KCNT2: variants seen among roughly 807,000 people sequenced by gnomAD.
KCNT2 encodes the protein potassium channel subfamily T member 2.
Under a neutral mutation model 153.8 loss-of-function variants are expected in KCNT2, and 67 were observed. The ratio of observed to expected loss-of-function variants is 0.44; its 90% CI spans 0.36 to 0.53. The LOEUF (loss-of-function observed/expected upper bound fraction) is 0.53, where lower values mean the gene tolerates loss of function less well. Ranked by LOEUF, KCNT2 falls within the 20% of genes least tolerant of loss-of-function variation. The pLI is 0.00. For missense variants in KCNT2, 975 were observed against 1,354.8 expected, an observed-to-expected ratio of 0.72 and a Z score of 4.40; for synonymous variants, 500 against 458.8, an observed-to-expected ratio of 1.09 and a Z score of -1.15.
chr1:196,331,128 A>G, intron 18 of KCNT2, 28 bp downstream of exon 18: 1 of 1,184,352 alleles, frequency 8.4e-7, no homozygotes, highest in Non-Finnish European at 1.3e-6. Flanking sequence ...TTTATTTTGT[A>G]AACAAAAAAG....
chr1:196,504,382 A>G (rs1002486165), intron 1 of KCNT2, among the ~76,000 whole-genome samples: 48 of 151,798 alleles, frequency 3.2e-4, no homozygotes, highest in Non-Finnish European at 4.3e-4. Context: ...ATGATTTCCA[A>G]TTTCATCCAT....
intron 1 of KCNT2, among the ~76,000 whole-genome samples, chr1:196,574,536 C>T (rs1031365699): frequency 2.0e-5 from 3 of 151,704 alleles, no homozygotes; most frequent in African/African-American, 7.3e-5. Context: ...CACTTTACAA[C>T]AAAATTCCTG....
intron 1 of KCNT2, among the ~76,000 whole-genome samples, chr1:196,602,298 T>C (rs1664810971): frequency 6.6e-6 from 1 of 152,214 alleles, no homozygotes; most frequent in African/African-American, 2.4e-5. Flanking sequence ...CTTTATTTTC[T>C]AAAGACAACT....
chr1:196,498,422 T>G (rs1397149944), intron 1 of KCNT2, among the ~76,000 whole-genome samples: 1 of 152,158 alleles, frequency 6.6e-6, no homozygotes, highest in African/African-American at 2.4e-5. Context: ...TACCAAGTGC[T>G]TTTTCCCTCC....
intron 18 of KCNT2, among the ~76,000 whole-genome samples, chr1:196,330,846 C>G (rs1452442900): frequency 6.6e-6 from 1 of 151,796 alleles, no homozygotes; most frequent in African/African-American, 2.4e-5. Flanking sequence ...ACATTTGACC[C>G]AAGTGATTTT....
intron 12 of KCNT2, among the ~76,000 whole-genome samples, chr1:196,399,106 T>C (rs1386256097): frequency 6.7e-6 from 1 of 149,646 alleles, no homozygotes; most frequent in African/African-American, 2.4e-5. Flanking sequence ...TATGTGTGTG[T>C]GTGTGTGTCT....
At chr1:196,463,335 G>A (rs1007418172) in intron 8 of KCNT2, among the ~76,000 whole-genome samples, 12 of 151,684 alleles carry the variant, frequency 7.9e-5, no homozygotes, top group African/African-American at 2.7e-4. Context: ...AAACTTATTC[G>A]ATTTTATGAT....
At chr1:196,395,019 G>A (rs574084332) in intron 13 of KCNT2, among the ~76,000 whole-genome samples, 1 of 150,612 alleles carries the variant, frequency 6.6e-6, no homozygotes, top group South Asian at 2.1e-4. Context: ...ATGAATGAAT[G>A]TTGAAGTCTG....
At chr1:196,382,086 T>G (rs962243349) in intron 13 of KCNT2, among the ~76,000 whole-genome samples, 3 of 148,760 alleles carry the variant, frequency 2.0e-5, no homozygotes, top group Non-Finnish European at 3.0e-5. Context: ...TAACCAAATT[T>G]ATTTATTTAT....
intron 12 of KCNT2, among the ~76,000 whole-genome samples, chr1:196,401,659 G>A (rs1671425653): frequency 6.6e-6 from 1 of 151,578 alleles, no homozygotes; most frequent in African/African-American, 2.4e-5. Context: ...AAGAGAAAAG[G>A]TAAGGAAAAG....
At chr1:196,310,065 T>C (rs951900706) in intron 21 of KCNT2, among the ~76,000 whole-genome samples, 4 of 151,810 alleles carry the variant, frequency 2.6e-5, no homozygotes, top group African/African-American at 9.7e-5. Flanking sequence ...TATATTCTAT[T>C]TCACAGGCTA....
At chr1:196,506,641 A>C (rs1483954552) in intron 1 of KCNT2, among the ~76,000 whole-genome samples, 1 of 152,138 alleles carries the variant, frequency 6.6e-6, no homozygotes, top group African/African-American at 2.4e-5. Flanking sequence ...TCCACCTTTA[A>C]AGATCTGCCT....
At chr1:196,463,890 A>C (rs1677376073) in intron 8 of KCNT2, among the ~76,000 whole-genome samples, 1 of 151,714 alleles carries the variant, frequency 6.6e-6, no homozygotes, top group South Asian at 2.1e-4. Flanking sequence ...CCAGAACAAA[A>C]GTACTGCTAA....
chr1:196,306,772 C>T (rs183392374), intron 21 of KCNT2, among the ~76,000 whole-genome samples: 11 of 151,428 alleles, frequency 7.3e-5, no homozygotes, highest in East Asian at 3.9e-4. Flanking sequence ...AAACCTAACA[C>T]GCCCTCTTGG....
At chr1:196,470,674 C>A (rs988992335) in intron 5 of KCNT2, among the ~76,000 whole-genome samples, 1 of 152,136 alleles carries the variant, frequency 6.6e-6, no homozygotes, top group Admixed American at 6.5e-5. Context: ...AGTCAGGCAA[C>A]TTCAACCCAG....
Position 196,373,195 on chromosome 1 carries a change from T to C in KCNT2, c.1348A>G (p.Ile450Val), listed in dbSNP as rs781273017. Reference sequence around the variant, plus strand: ...ATAAGTGTAGATGTTGCTGGGCATATACAGTTTAAAGCTAACATGGCGTAT... The same window carrying C: ...ATAAGTGTAGATGTTGCTGGGCATACACAGTTTAAAGCTAACATGGCGTAT... ...FKYAMLALNC[I>V]CPATSTLITL... The change falls in exon 14 of 28, where the codon ATA (isoleucine) becomes GTA (valine). Residue 450 changes from isoleucine (I) to valine (V), a missense_variant. Transcript: ENST00000294725. 5 of 1,592,370 alleles carry C rather than the reference T, an allele frequency of 3.1e-6. No individual in the cohort carries two copies. In the East Asian group the frequency reaches 6.7e-5, roughly 21 times the overall value.
At chr1:196,570,947 T>C (rs1452621284) in intron 1 of KCNT2, among the ~76,000 whole-genome samples, 2 of 152,122 alleles carry the variant, frequency 1.3e-5, no homozygotes, top group Non-Finnish European at 2.9e-5. Flanking sequence ...GTAAGTTACA[T>C]GAACAGACAG....
chr1:196,537,012 G>C (rs573734070), intron 1 of KCNT2, among the ~76,000 whole-genome samples: 1 of 152,134 alleles, frequency 6.6e-6, no homozygotes, highest in Middle Eastern at 3.2e-3. Flanking sequence ...ATTCCCAGGT[G>C]CTCCATGCAC....
At chr1:196,290,563 GGT>G (rs1254162968) in intron 22 of KCNT2, among the ~76,000 whole-genome samples, 1 of 147,508 alleles carries the variant, frequency 6.8e-6, no homozygotes, top group Non-Finnish European at 1.5e-5. Context: ...TATATGTATA[GGT>G]GTATATATAT....
Sources: gnomAD v4.1 joint callset for allele counts (sites outside exome capture counted in the v4.1 genomes callset) on GRCh38, gnomAD v4.1.1 for gene constraint, MANE v1.5 for transcripts, NCBI Gene and HGNC (gene_info 2026-07-23, HGNC 2026-07-21) for gene names.